The following APBB1 variants were observed in gnomAD, a reference collection of about 807,000 sequenced individuals.
APBB1 encodes adaptor protein FE65a2.
A neutral mutation model predicts 78.4 loss-of-function variants in APBB1; 22 were observed. The ratio of observed to expected loss-of-function variants is 0.28; its 90% CI spans 0.20 to 0.40. The LOEUF (loss-of-function observed/expected upper bound fraction) is 0.40. Among genes scored for constraint, APBB1 ranks in the 10% least tolerant of loss-of-function variants. The pLI is 1.00. For missense variants in APBB1, 749 were observed against 932.4 expected, an observed-to-expected ratio of 0.80 and a Z score of 2.56; for synonymous variants, 369 against 372.7, an observed-to-expected ratio of 0.99 and a Z score of 0.12.
intron 1 of APBB1, among the ~76,000 whole-genome samples, chr11:6,413,495 T>C (rs897360444): frequency 2.0e-5 from 3 of 152,222 alleles, no homozygotes; most frequent in Non-Finnish European, 4.4e-5. Flanking sequence ...TGAGCAGGGC[T>C]TGCCCATCTC....
rs1848504919 is a variant in APBB1 at position 6,401,475 on chromosome 11, C to G, written c.1504-46G>C. ...AGGAGCCAGGGAGAATCTATTAGAG[C>G]CTCATTGCCCTGGGGCCCCCCTACA... On this transcript the variant is annotated intron_variant, in intron 10 of 14. Coordinates refer to ENST00000609360, the MANE Select transcript of APBB1 (RefSeq NM_001164.5). This position sits in a 1 kb window ranked among gnomAD's most constrained non-coding sequence, Gnocchi z 4.5. 1 of 1,612,448 alleles carries G rather than the reference C, an allele frequency of 6.2e-7. No individual in the cohort carries two copies. Among genetic ancestry groups the G allele is most frequent in the South Asian group, 1.1e-5 (1 of 91,042 alleles).
chr11:6,417,084 A>C (rs1199489132), intron 1 of APBB1, among the ~76,000 whole-genome samples: 1 of 152,212 alleles, frequency 6.6e-6, no homozygotes, highest in Non-Finnish European at 1.5e-5. Context: ...TTTCCTGCTC[A>C]GTCTGGCGCC....
chr11:6,397,765 T>G (rs942148288), intron 12 of APBB1, among the ~76,000 whole-genome samples: 3 of 152,236 alleles, frequency 2.0e-5, no homozygotes, highest in Non-Finnish European at 4.4e-5. Context: ...GAAATGGAAT[T>G]TAATTCATCC....
chr11:6,415,306 G>A (rs1431650779), intron 1 of APBB1, among the ~76,000 whole-genome samples: 3 of 152,244 alleles, frequency 2.0e-5, no homozygotes, highest in African/African-American at 7.2e-5. Context: ...TTGGGGTTGA[G>A]TCTTGCTCAA....
At chr11:6,419,211 G>T, upstream of APBB1, 2 of 307,632 alleles carry the variant, frequency 6.5e-6, no homozygotes, top group Non-Finnish European at 1.2e-5. Flanking sequence ...CTTCTTGGGG[G>T]CCTCACCCTG....
intron 1 of APBB1, among the ~76,000 whole-genome samples, chr11:6,417,189 C>T (rs1849141138): frequency 6.6e-6 from 1 of 152,218 alleles, no homozygotes; most frequent in Non-Finnish European, 1.5e-5. Flanking sequence ...TTTCCTTCTA[C>T]AAGGTGTTTG....
chr11:6,402,876 T>G (rs1848601421), intron 6 of APBB1, 151 bp from the exon 7 acceptor site: 1 of 1,021,774 alleles, frequency 9.8e-7, no homozygotes, highest in Admixed American at 2.5e-5. Flanking sequence ...GGGATGTGGT[T>G]AGGGTGAGGG....
intron 12 of APBB1, among the ~76,000 whole-genome samples, chr11:6,398,880 A>G (rs1848360713): frequency 6.6e-6 from 1 of 152,248 alleles, no homozygotes; most frequent in South Asian, 2.1e-4. Context: ...AGAATTAAAG[A>G]TGACCGGGGT....
intron 1 of APBB1, among the ~76,000 whole-genome samples, chr11:6,415,763 C>G (rs761151683): frequency 3.3e-5 from 5 of 152,202 alleles, no homozygotes; most frequent in African/African-American, 9.7e-5. Flanking sequence ...TTCCCAAAAC[C>G]AACTGCTTCA....
In APBB1 at chr11:6,401,663, T is replaced by G. The variant is rs1388651330; in HGVS notation, c.1414A>C (p.Lys472Gln). 1 of 1,614,134 alleles carries G rather than the reference T, an allele frequency of 6.2e-7. No homozygotes were observed. ...TGGCACTTGAGCATCTGGGTCAGCT[T>G]ATCACGAGCTACGTAGGCAAAGTCC... is the stretch of plus-strand genomic sequence containing the variant. ...ERDFAYVARD[K>Q]LTQMLKCHVF... The change falls in exon 10 of 15, where the codon AAG (lysine) becomes CAG (glutamine). Residue 472 changes from lysine to glutamine, a missense_variant. By Grantham distance (53) the Lys-to-Gln change is moderately conservative. Coordinates refer to ENST00000609360, the MANE Select transcript of APBB1 (RefSeq NM_001164.5). This position sits in a 1 kb window ranked among gnomAD's most constrained non-coding sequence, Gnocchi z 4.5.
rs1286461805 is a variant in APBB1, at chr11:6,401,320, G to C, written c.1588+25C>G. On this transcript the variant is annotated intron_variant, in intron 11 of 14. Transcript: ENST00000609360. The surrounding 1 kb of genome is among the most constrained non-coding windows in gnomAD (Gnocchi z 4.5). ...CACCTTTGCCAACAAAGCTGAGCTG[G>C]ACCTGGAGGGGTTTTGACACTGACC... 6.2e-7 allele frequency: 1 copy of C among 1,614,040 alleles called. No individual in the cohort carries two copies. Among genetic ancestry groups the C allele is most frequent in the Admixed American group, 1.7e-5 (1 of 60,010 alleles).
rs968709492 is a variant in APBB1 at position 6,401,553 on chromosome 11, A to G, written c.1503+21T>C. The G allele has an allele frequency of 2.5e-6, 4 of 1,614,048 alleles. No individual in the cohort carries two copies. The African/African-American group carries it at 5.3e-5, about 22-fold the overall frequency. On this transcript the variant is annotated intron_variant, in intron 10 of 14. Coordinates refer to ENST00000609360, the MANE Select transcript of APBB1 (RefSeq NM_001164.5). This position sits in a 1 kb window ranked among gnomAD's most constrained non-coding sequence, Gnocchi z 4.5. Reference sequence around the variant, plus strand: ...GTAGAGCAAAGGTGGCAACTAGTCCAGGGAGTGGAGGGGGCCGTGCCTTAG... The same window carrying G: ...GTAGAGCAAAGGTGGCAACTAGTCCGGGGAGTGGAGGGGGCCGTGCCTTAG...
In APBB1 at chr11:6,410,698, G is replaced by A; in HGVS notation, c.650C>T (p.Ala217Val). Residue 217 changes from alanine (A) to valine (V), a missense_variant, in exon 2 of 15, where the codon GCC becomes GTC. Physicochemically the swap from Ala to Val is moderately conservative, Grantham distance 64. Coordinates refer to ENST00000609360, the MANE Select transcript of APBB1 (RefSeq NM_001164.5). ...AGCCCAGCTTGAGTCCTCATCACTG[G>A]CTGCACTGTTCCGCATGCCAAACAG... ...SLLFGMRNSA[A>V]SDEDSSWATL... is the part of the protein sequence containing the mutation. 5.8e-6 allele frequency: 9 copies of A among 1,538,632 alleles called. No individual in the cohort carries two copies. The highest frequency in any genetic ancestry group is 7.9e-6 in the Non-Finnish European group (9 of 1,143,240).
In APBB1 at chr11:6,401,771, C is replaced by A. The variant is rs752762355; in HGVS notation, c.1389-83G>T. 47 of 1,520,940 alleles carry A rather than the reference C, an allele frequency of 3.1e-5. No individual in the cohort carries two copies. The highest frequency in any genetic ancestry group is 3.9e-5 in the Non-Finnish European group (43 of 1,098,996). The allele number at this position is 1,520,940 out of a possible 1,614,324, so 94.2% of individuals were successfully genotyped here. On this transcript the variant is annotated intron_variant, in intron 9 of 14. Coordinates refer to ENST00000609360, the MANE Select transcript of APBB1 (RefSeq NM_001164.5). This position sits in a 1 kb window ranked among gnomAD's most constrained non-coding sequence, Gnocchi z 4.5. The stretch of plus-strand genomic sequence containing the variant: ...CCCACCCCACCCACGTCCTCCCTGC[C>A]CATCACAGCTCCTCCAGGGCTTCTG...
At position 6,396,454 on chromosome 11, in the gene APBB1, C is replaced by T. The variant is rs545525630; in HGVS notation, c.1673-239G>A. On this transcript the variant is annotated intron_variant, in intron 12 of 14. Transcript: ENST00000609360. ...TGGATCCTAGGCTCGTTATTTTCAC[C>T]GGCTCTGCCTATTCCTCCACACTTC... 26 of 487,352 alleles carry T rather than the reference C, an allele frequency of 5.3e-5. 1 individual carries two copies. The highest frequency in any genetic ancestry group is 3.7e-4 in the South Asian group (15 of 40,596). 30.2% of individuals were successfully genotyped at this position (487,352 alleles called of 1,614,324 possible).
Position 6,401,247 on chromosome 11 carries a change from T to A in APBB1, c.1588+98A>T, listed in dbSNP as rs1848483341. On this transcript the variant is annotated intron_variant, in intron 11 of 14. Coordinates refer to ENST00000609360, the MANE Select transcript of APBB1 (RefSeq NM_001164.5). This position sits in a 1 kb window ranked among gnomAD's most constrained non-coding sequence, Gnocchi z 4.5. ...GGAGTATTCAGTCTTCATGTGTTCA[T>A]TTTTCTATCAGCGCTGTCCAGGAGC... The A allele has an allele frequency of 6.2e-7, 1 of 1,611,148 alleles. No individual in the cohort carries two copies. The highest frequency in any genetic ancestry group is 1.1e-5 in the South Asian group (1 of 90,690).
chr11:6,404,147 T>G, intron 2 of APBB1: 1 of 355,978 alleles, frequency 2.8e-6, no homozygotes, highest in Non-Finnish European at 5.1e-6. Flanking sequence ...TACATATCTA[T>G]TATCTCAGTT....
rs376117819 is a variant in APBB1, at chr11:6,402,190, T to A, written c.1274A>T (p.Gln425Leu). ...TAGCTTTAGTGTCTCATCCTCCAGC[T>A]GCAGTAGCAGATCCTTTCCCTGCAG... ...GWGEGKDLLLQLEDETLKLVE... is the reference protein window; with the variant it reads ...GWGEGKDLLLLLEDETLKLVE... The change falls in exon 8 of 15, where the codon CAG (glutamine) becomes CTG (leucine). Residue 425 changes from glutamine (Q) to leucine (L), a missense_variant. By Grantham distance (113) the Gln-to-Leu change is moderately radical. This residue lies in a region of APBB1 where 635 missense variants were observed against 765.0 expected (regional missense o/e 0.83). Coordinates refer to ENST00000609360, the MANE Select transcript of APBB1 (RefSeq NM_001164.5). 5.6e-6 allele frequency: 9 copies of A among 1,613,922 alleles called. No individual in the cohort carries two copies. The highest frequency in any genetic ancestry group is 7.6e-6 in the Non-Finnish European group (9 of 1,180,010).
chr11:6,397,618 C>T (rs966829176), intron 12 of APBB1, among the ~76,000 whole-genome samples: 3 of 152,222 alleles, frequency 2.0e-5, no homozygotes, highest in Non-Finnish European at 2.9e-5. Flanking sequence ...TCCTTCAGGG[C>T]TCCAACTAGG....
Sources: gnomAD v4.1 joint callset for allele counts (sites outside exome capture counted in the v4.1 genomes callset) on GRCh38, gnomAD v4.1.1 for gene constraint, gnomAD v4.1.1 regional missense constraint, Gnocchi (gnomAD v3.1) non-coding constraint, MANE v1.5 for transcripts, NCBI Gene and HGNC (gene_info 2026-07-23, HGNC 2026-07-21) for gene names.